The following CLYBL variants were observed in gnomAD, a reference collection of about 807,000 sequenced individuals.
The protein encoded by CLYBL is citramalyl-CoA lyase, mitochondrial.
Under a neutral mutation model 38.9 loss-of-function variants are expected in CLYBL, and 31 were observed. The ratio of observed to expected loss-of-function variants is 0.80; its 90% CI spans 0.60 to 1.08. The LOEUF (loss-of-function observed/expected upper bound fraction) is 1.08, where lower values mean the gene tolerates loss of function less well. Among genes scored for constraint, CLYBL ranks in the 50% least tolerant of loss-of-function variants. CLYBL has a pLI of 0.00. For missense variants in CLYBL, 434 were observed against 411.6 expected (o/e 1.05, Z -0.47); for synonymous variants, 171 against 158.6 (o/e 1.08, Z -0.59).
intron 1 of CLYBL, among the ~76,000 whole-genome samples, chr13:99,658,487 G>A (rs1473944235): frequency 1.3e-5 from 2 of 152,300 alleles, no homozygotes; most frequent in Non-Finnish European, 2.9e-5. Flanking sequence ...CTCTGACTGA[G>A]GCCTTTCCTC....
At chr13:99,650,526 A>G (rs759537393) in intron 1 of CLYBL, among the ~76,000 whole-genome samples, 3 of 152,192 alleles carry the variant, frequency 2.0e-5, no homozygotes, top group Non-Finnish European at 4.4e-5. Flanking sequence ...ACTGTTGCCA[A>G]ATTCTCACTG....
At chr13:99,879,043 G>T (rs891798367) in intron 7 of CLYBL, among the ~76,000 whole-genome samples, 5 of 152,102 alleles carry the variant, frequency 3.3e-5, no homozygotes, top group African/African-American at 1.2e-4. Flanking sequence ...CAGATAACTG[G>T]CACACACATG....
intron 8 of CLYBL, chr13:99,891,919 A>G (rs989063907): frequency 6.5e-6 from 1 of 152,924 alleles, no homozygotes; most frequent in African/African-American, 2.4e-5. Context: ...GATGGCATCA[A>G]AAAAGAATAC....
intron 1 of CLYBL, among the ~76,000 whole-genome samples, chr13:99,616,211 A>G (rs917222606): frequency 6.0e-5 from 8 of 133,742 alleles, no homozygotes; most frequent in African/African-American, 1.1e-4. Flanking sequence ...TGCAGTGGCT[A>G]TTCGCAGGTG....
In CLYBL at chr13:99,670,590, G is replaced by A. The variant is rs543661155; in HGVS notation, c.62+63833G>A. ...TTTCAACTATCCAAATGAAAAGAATGTTTTAACATTTCATATTTGTGAAAG... is the reference window on the plus strand; with the variant it reads ...TTTCAACTATCCAAATGAAAAGAATATTTTAACATTTCATATTTGTGAAAG... On this transcript the variant is annotated intron_variant, in intron 1 of 8. Coordinates refer to ENST00000339105, the MANE Select transcript of CLYBL (RefSeq NM_206808.5). Among the ~76,000 whole-genome samples, 45 of 152,260 alleles carry A rather than the reference G, an allele frequency of 3.0e-4. 4 individuals are homozygous for A. In the South Asian group the frequency reaches 9.1e-3, roughly 31 times the overall value.
chr13:99,657,576 A>G (rs1166851467), intron 1 of CLYBL, among the ~76,000 whole-genome samples: 7 of 152,346 alleles, frequency 4.6e-5, no homozygotes, highest in Admixed American at 3.9e-4. Context: ...AGTAAAATAA[A>G]CAGATTGTAG....
intron 1 of CLYBL, among the ~76,000 whole-genome samples, chr13:99,668,964 A>T (rs1030574237): frequency 8.6e-5 from 13 of 151,540 alleles, no homozygotes; most frequent in Non-Finnish European, 1.8e-4. Context: ...CAGATGCCCA[A>T]GAAGTGTGGG....
At chr13:99,736,194 G>T (rs2793747) in intron 1 of CLYBL, among the ~76,000 whole-genome samples, 8,585 of 151,282 alleles carry the variant, frequency 0.057, 280 homozygotes, top group East Asian at 0.11. Flanking sequence ...ACAGGCACCC[G>T]CCACCACGCC....
At chr13:99,769,995 A>AT (rs2049348130) in intron 1 of CLYBL, among the ~76,000 whole-genome samples, 1 of 151,626 alleles carries the variant, frequency 6.6e-6, no homozygotes, top group African/African-American at 2.4e-5. Context: ...TGACATATAT[A>AT]TTTTTTAAGA....
chr13:99,748,338 C>T (rs1027193255), intron 1 of CLYBL, among the ~76,000 whole-genome samples: 6 of 150,854 alleles, frequency 4.0e-5, no homozygotes, highest in Middle Eastern at 3.2e-3. Flanking sequence ...CAAGATTGTG[C>T]CACTGCACTG....
At chr13:99,899,185 C>T (rs1239896233), downstream of CLYBL, among the ~76,000 whole-genome samples, 1 of 152,190 alleles carries the variant, frequency 6.6e-6, no homozygotes, top group Non-Finnish European at 1.5e-5. Context: ...CCCCACTTGC[C>T]GGGCTGGGGA....
intron 7 of CLYBL, chr13:99,877,637 C>G (rs968075938): frequency 3.2e-6 from 1 of 311,412 alleles, no homozygotes; most frequent in Non-Finnish European, 5.9e-6. Context: ...AGTGCAATGG[C>G]GTGATCTCGG....
At chr13:99,680,080 G>A (rs74112531) in intron 1 of CLYBL, among the ~76,000 whole-genome samples, 1 of 152,264 alleles carries the variant, frequency 6.6e-6, no homozygotes, top group Non-Finnish European at 1.5e-5. Context: ...AAACTGGCTC[G>A]TGTTTTCATG....
intron 4 of CLYBL, among the ~76,000 whole-genome samples, chr13:99,863,873 G>GA (rs1210469487): frequency 3.3e-5 from 5 of 152,090 alleles, no homozygotes; most frequent in Non-Finnish European, 5.9e-5. Flanking sequence ...AAAAACAACA[G>GA]AAAAAACATA....
In CLYBL at chr13:99,773,085, G is replaced by A. The variant is rs527670379; in HGVS notation, c.249+75G>A. On this transcript the variant is annotated intron_variant, in intron 2 of 8. Coordinates refer to ENST00000339105, the MANE Select transcript of CLYBL (RefSeq NM_206808.5). The stretch of plus-strand genomic sequence containing the variant: ...TCTCTTCCGAATAGTGACATTGCCC[G>A]CTATTTGGAAAGATTCTACCACACT... 45 of 1,263,796 alleles carry A rather than the reference G, an allele frequency of 3.6e-5. No homozygotes were observed. The East Asian group carries it at 3.9e-4, about 11-fold the overall frequency. 78.3% of individuals were successfully genotyped at this position (1,263,796 alleles called of 1,614,324 possible).
intron 1 of CLYBL, among the ~76,000 whole-genome samples, chr13:99,657,905 A>G (rs1414774869): frequency 6.6e-6 from 1 of 152,248 alleles, no homozygotes. Context: ...ACAGAAGCCA[A>G]GTCGGCTTCC....
exon 10 of CLYBL, among the ~76,000 whole-genome samples, chr13:99,909,151 C>T (rs2052725575): frequency 1.3e-5 from 2 of 152,148 alleles, no homozygotes; most frequent in Admixed American, 1.3e-4. Flanking sequence ...GGCACAACAC[C>T]ATATGGAAAA....
In CLYBL at chr13:99,716,169, ATTTTTTTTTTTTTTT is replaced by A. The variant is rs4001024; in HGVS notation, c.63-56631_63-56617del. On this transcript the variant is annotated intron_variant, in intron 1 of 8. Transcript: ENST00000339105. ...AAATTGTCCTTGCTTTATTGGTGTA[ATTTTTTTTTTTTTTT>A]TTTTTTTTTTTTTTTTTTTTTTTAG... Among the ~76,000 whole-genome samples, 187 of 33,460 alleles carry A rather than the reference ATTTTTTTTTTTTTTT, an allele frequency of 5.6e-3. 2 individuals carry two copies. The highest frequency in any genetic ancestry group is 0.043 in the South Asian group (42 of 988). The allele number at this position is 33,460 out of a possible 152,430, so 22.0% of individuals were successfully genotyped here. A position where few individuals can be genotyped will look rare whatever the true frequency, so the allele number is the denominator to read the frequency against.
chr13:99,685,142 C>T (rs190650651), intron 1 of CLYBL, among the ~76,000 whole-genome samples: 261 of 152,270 alleles, frequency 1.7e-3, no homozygotes, highest in African/African-American at 5.9e-3. Context: ...ACACAACTCA[C>T]GAAAATGTGC....
Sources: gnomAD v4.1 joint callset for allele counts (sites outside exome capture counted in the v4.1 genomes callset) on GRCh38, gnomAD v4.1.1 for gene constraint, MANE v1.5 for transcripts, NCBI Gene and HGNC (gene_info 2026-07-23, HGNC 2026-07-21) for gene names.